RANBP9: variants seen among roughly 807,000 people sequenced by gnomAD.
RANBP9 encodes ran-binding protein 9.
Under a neutral mutation model 84.3 loss-of-function variants are expected in RANBP9, and 15 were observed. The ratio of observed to expected loss-of-function variants is 0.18; its 90% CI spans 0.12 to 0.27. The LOEUF is 0.27. Among genes scored for constraint, RANBP9 ranks in the 10% least tolerant of loss-of-function variants. The pLI is 1.00. For missense variants in RANBP9, 809 were observed against 912.8 expected (o/e 0.89, Z 1.46); for synonymous variants, 392 against 349.6 (o/e 1.12, Z -1.35).
chr6:13,683,864 G>A (rs1330418704), intron 2 of RANBP9, among the ~76,000 whole-genome samples: 1 of 151,288 alleles, frequency 6.6e-6, no homozygotes, highest in East Asian at 1.9e-4. Flanking sequence ...CTGCACTAAA[G>A]ATAACCACTT....
intron 5 of RANBP9, among the ~76,000 whole-genome samples, chr6:13,645,784 A>C (rs141194634): frequency 4.5e-4 from 69 of 152,306 alleles, no homozygotes; most frequent in African/African-American, 1.6e-3. Flanking sequence ...TAGTTATAAC[A>C]AGTATTTTTC....
chr6:13,656,665 C>T (rs1765407774), intron 4 of RANBP9, among the ~76,000 whole-genome samples: 1 of 152,114 alleles, frequency 6.6e-6, no homozygotes, highest in Admixed American at 6.6e-5. Flanking sequence ...GCAGATCTGA[C>T]CTTTGAGTGT....
intron 2 of RANBP9, among the ~76,000 whole-genome samples, chr6:13,666,034 T>C (rs929874983): frequency 1.3e-5 from 2 of 152,176 alleles, no homozygotes; most frequent in African/African-American, 2.4e-5. Context: ...TATACTTTGA[T>C]AGAGGTTTGT....
intron 1 of RANBP9, among the ~76,000 whole-genome samples, chr6:13,700,500 T>C (rs980361489): frequency 2.6e-5 from 4 of 151,584 alleles, no homozygotes; most frequent in African/African-American, 4.9e-5. Context: ...AGGTAGGTCC[T>C]ACTCACACTT....
chr6:13,639,260 C>T (rs1025624303), intron 9 of RANBP9, among the ~76,000 whole-genome samples: 4 of 152,176 alleles, frequency 2.6e-5, no homozygotes, highest in Non-Finnish European at 5.9e-5. Context: ...CTCACTGCAA[C>T]CTCTGCCTCC....
intron 8 of RANBP9, 79 bp from the exon 9 acceptor site, chr6:13,639,832 AT>A: frequency 8.0e-7 from 1 of 1,247,904 alleles, no homozygotes; most frequent in African/African-American, 1.5e-5. Flanking sequence ...TTCTAAAAAT[AT>A]TTTTAAAACT....
At chr6:13,646,439 C>CA (rs984221618) in intron 5 of RANBP9, among the ~76,000 whole-genome samples, 38 of 151,580 alleles carry the variant, frequency 2.5e-4, no homozygotes, top group African/African-American at 3.4e-4. Flanking sequence ...CAAAACAAAA[C>CA]AAAAAAACAG....
intron 2 of RANBP9, among the ~76,000 whole-genome samples, chr6:13,683,099 GT>G (rs1766083362): frequency 6.6e-6 from 1 of 152,106 alleles, no homozygotes; most frequent in Non-Finnish European, 1.5e-5. Context: ...TAACCAGTCT[GT>G]TTTTCCATCT....
intron 2 of RANBP9, among the ~76,000 whole-genome samples, chr6:13,680,894 C>T (rs1383602302): frequency 6.6e-6 from 1 of 152,172 alleles, no homozygotes; most frequent in Non-Finnish European, 1.5e-5. Context: ...TTCCCATGAG[C>T]TCACTTGTAG....
chr6:13,659,774 T>C (rs1173683396), intron 2 of RANBP9, among the ~76,000 whole-genome samples: 1 of 152,076 alleles, frequency 6.6e-6, no homozygotes, highest in African/African-American at 2.4e-5. Flanking sequence ...ATGAGACTTT[T>C]CCCCCAAATA....
chr6:13,691,239 AAATT>A (rs760244699), intron 2 of RANBP9, among the ~76,000 whole-genome samples: 11 of 151,844 alleles, frequency 7.2e-5, no homozygotes, highest in Non-Finnish European at 1.5e-4. Flanking sequence ...TTTTATTTTT[AAATT>A]AATAATATTT....
intron 12 of RANBP9, 109 bp from the exon 13 acceptor site, chr6:13,625,873 T>A: frequency 1.3e-6 from 1 of 745,026 alleles, no homozygotes; most frequent in Non-Finnish European, 2.3e-6. Flanking sequence ...AGACTAATAA[T>A]GTAAACTTTA....
intron 2 of RANBP9, among the ~76,000 whole-genome samples, chr6:13,674,712 T>C (rs1765850969): frequency 6.6e-6 from 1 of 152,198 alleles, no homozygotes; most frequent in Admixed American, 6.5e-5. Flanking sequence ...CATTACCTCC[T>C]CCTGCTGCTC....
At chr6:13,631,775 G>C (rs1764789110) in intron 12 of RANBP9, among the ~76,000 whole-genome samples, 2 of 152,116 alleles carry the variant, frequency 1.3e-5, no homozygotes, top group Admixed American at 1.3e-4. Context: ...CCTTCAACTG[G>C]TACACAAAAC....
chr6:13,695,460 C>T (rs1024193884), intron 2 of RANBP9, among the ~76,000 whole-genome samples: 3 of 134,516 alleles, frequency 2.2e-5, no homozygotes, highest in Admixed American at 8.1e-5. Context: ...AATTTAAATG[C>T]CTGTGGGACA....
intron 2 of RANBP9, among the ~76,000 whole-genome samples, chr6:13,668,256 AAAGAC>A (rs1327930661): frequency 2.0e-5 from 3 of 152,142 alleles, no homozygotes; most frequent in African/African-American, 7.2e-5. Flanking sequence ...TTTAAAACAC[AAAGAC>A]AAGCCCGTGC....
intron 12 of RANBP9, among the ~76,000 whole-genome samples, chr6:13,629,895 GTCTCTCTC>G (rs35437953): frequency 8.3e-5 from 12 of 143,822 alleles, no homozygotes; most frequent in Non-Finnish European, 1.2e-4. Context: ...TCATGTCTCT[GTCTCTCTC>G]TCTCTCTCTC....
chr6:13,636,758 T>G (rs894623209), intron 10 of RANBP9, among the ~76,000 whole-genome samples: 20 of 152,366 alleles, frequency 1.3e-4, no homozygotes, highest in African/African-American at 4.8e-4. Flanking sequence ...TGGTTCTCCA[T>G]TACAACTTAT....
chr6:13,667,709 A>C (rs1290192923), intron 2 of RANBP9, among the ~76,000 whole-genome samples: 1 of 152,212 alleles, frequency 6.6e-6, no homozygotes, highest in Admixed American at 6.5e-5. Context: ...GTAGCCTAGG[A>C]GCAGAGCAAT....
Sources: allele counts gnomAD v4.1 joint callset (sites outside exome capture counted in the v4.1 genomes callset), GRCh38; gene constraint gnomAD v4.1.1; transcripts MANE v1.5; gene names NCBI Gene and HGNC (gene_info 2026-07-23, HGNC 2026-07-21).